Variants in ITPR2 observed in about 807,000 individuals in gnomAD.
ITPR2 encodes the protein inositol 1,4,5-trisphosphate-gated calcium channel ITPR2.
In ITPR2, 207 loss-of-function variants were observed where a neutral mutation model predicts 317.1. The ratio of observed to expected loss-of-function variants is 0.65; its 90% CI spans 0.58 to 0.73. The LOEUF (loss-of-function observed/expected upper bound fraction) is 0.73. Ranked by LOEUF, ITPR2 falls within the 30% of genes least tolerant of loss-of-function variation. The pLI, the probability that ITPR2 is intolerant of heterozygous loss-of-function variation, is 0.00. For missense variants in ITPR2, 2,613 were observed against 3,284.0 expected (o/e 0.80, Z 4.99); for synonymous variants, 1,156 against 1,149.1 (o/e 1.01, Z -0.12).
rs1044916651 is a variant in ITPR2 at position 26,406,366 on chromosome 12, T to G, written c.7399+4954A>C. ...GTAAATTGTTGCAAAAAGGCCTTGCTTTTTTTAAGGTGAATATTTTTGTTC... is the reference window on the plus strand; with the variant it reads ...GTAAATTGTTGCAAAAAGGCCTTGCGTTTTTTAAGGTGAATATTTTTGTTC... On this transcript the variant is annotated intron_variant, in intron 52 of 56. Coordinates refer to ENST00000381340, the MANE Select transcript of ITPR2 (RefSeq NM_002223.4). 5.9e-5 allele frequency: 9 copies of G among 152,090 alleles called. No homozygotes were observed. In the South Asian group the frequency reaches 1.2e-3, roughly 21 times the overall value. 9.4% of individuals were successfully genotyped at this position (152,090 alleles called of 1,614,324 possible).
chr12:26,586,963 C>G (rs1184607674), intron 32 of ITPR2, among the ~76,000 whole-genome samples: 1 of 151,782 alleles, frequency 6.6e-6, no homozygotes, highest in Admixed American at 6.6e-5. Context: ...AAAAGTTCAC[C>G]AATCCCTGGA....
chr12:26,821,389 A>G (rs1457108329), intron 1 of ITPR2, among the ~76,000 whole-genome samples: 1 of 152,200 alleles, frequency 6.6e-6, no homozygotes, highest in Non-Finnish European at 1.5e-5. Flanking sequence ...CCATCACCTC[A>G]TAATCTGAAG....
At chr12:26,400,017 GCAAATGGTA>G (rs1940121537) in intron 53 of ITPR2, 102 bp downstream of exon 53, 3 of 1,139,862 alleles carry the variant, frequency 2.6e-6, no homozygotes, top group Non-Finnish European at 3.6e-6. Flanking sequence ...TACTTTTAAA[GCAAATGGTA>G]CAATATATTT....
intron 55 of ITPR2, among the ~76,000 whole-genome samples, chr12:26,342,465 G>A (rs1366332680): frequency 1.4e-5 from 2 of 140,932 alleles, no homozygotes; most frequent in Non-Finnish European, 3.1e-5. Flanking sequence ...TTTTGGAAGT[G>A]GACCGAATGG....
chr12:26,444,903 A>G (rs1221745242), intron 45 of ITPR2, among the ~76,000 whole-genome samples: 2 of 152,180 alleles, frequency 1.3e-5, no homozygotes, highest in African/African-American at 4.8e-5. Flanking sequence ...CAATCACTCA[A>G]GAAAACTATT....
At chr12:26,355,109 T>C (rs1377057563) in intron 55 of ITPR2, among the ~76,000 whole-genome samples, 1 of 152,188 alleles carries the variant, frequency 6.6e-6, no homozygotes, top group East Asian at 1.9e-4. Context: ...GACCTCTAGG[T>C]GGTTGTGATG....
chr12:26,805,539 T>A (rs1950625748), intron 1 of ITPR2, among the ~76,000 whole-genome samples: 1 of 152,096 alleles, frequency 6.6e-6, no homozygotes, highest in Non-Finnish European at 1.5e-5. Context: ...CAAAGAAATG[T>A]ATTCATTCCA....
chr12:26,829,646 C>G (rs1181184061), intron 1 of ITPR2, among the ~76,000 whole-genome samples: 1 of 152,206 alleles, frequency 6.6e-6, no homozygotes, highest in Non-Finnish European at 1.5e-5. Context: ...GCTCACCATG[C>G]TTCCCTTGAG....
intron 32 of ITPR2, among the ~76,000 whole-genome samples, chr12:26,583,214 G>A (rs957446416): frequency 1.8e-4 from 28 of 152,124 alleles, no homozygotes; most frequent in African/African-American, 6.7e-4. Flanking sequence ...ATACCTAAAA[G>A]TTATTTTTCA....
At chr12:26,644,510 T>C (rs1263035658) in intron 21 of ITPR2, among the ~76,000 whole-genome samples, 1 of 152,194 alleles carries the variant, frequency 6.6e-6, no homozygotes, top group Non-Finnish European at 1.5e-5. Context: ...AGAGGTTTAA[T>C]TGACTCACAA....
chr12:26,457,100 G>A (rs984700883), intron 45 of ITPR2, among the ~76,000 whole-genome samples: 1 of 152,176 alleles, frequency 6.6e-6, no homozygotes, highest in African/African-American at 2.4e-5. Context: ...TTCTGTTGGT[G>A]GAGGAGACAT....
intron 15 of ITPR2, among the ~76,000 whole-genome samples, chr12:26,662,898 T>C (rs959862533): frequency 6.6e-5 from 10 of 152,268 alleles, no homozygotes; most frequent in African/African-American, 2.4e-4. Flanking sequence ...CTAGAACTCC[T>C]GGCCTTGAGT....
intron 14 of ITPR2, 40 bp from the exon 15 acceptor site, chr12:26,663,886 A>G: frequency 6.6e-7 from 1 of 1,517,456 alleles, no homozygotes; most frequent in Non-Finnish European, 8.9e-7. Flanking sequence ...TGATGAATAA[A>G]ATGTTTTGCA....
intron 45 of ITPR2, among the ~76,000 whole-genome samples, chr12:26,463,690 C>T (rs890021243): frequency 1.9e-4 from 17 of 91,200 alleles, no homozygotes; most frequent in African/African-American, 5.1e-4. Flanking sequence ...AAAAAACAAA[C>T]AAACAAACAA....
chr12:26,507,662 A>G (rs1943222643), intron 37 of ITPR2, among the ~76,000 whole-genome samples: 1 of 152,222 alleles, frequency 6.6e-6, no homozygotes, highest in South Asian at 2.1e-4. Flanking sequence ...TGGAAAAAAC[A>G]AGATGAAACA....
At chr12:26,588,897 T>C (rs1249760790) in intron 32 of ITPR2, among the ~76,000 whole-genome samples, 3 of 152,218 alleles carry the variant, frequency 2.0e-5, no homozygotes. Context: ...TATAGGATCC[T>C]GACATTGATA....
intron 22 of ITPR2, among the ~76,000 whole-genome samples, chr12:26,628,565 T>C (rs1272263942): frequency 1.3e-5 from 2 of 152,180 alleles, no homozygotes; most frequent in East Asian, 3.9e-4. Flanking sequence ...TCAGCTACAA[T>C]AGTATGACTG....
At position 26,695,612 on chromosome 12, in the gene ITPR2, T is replaced by C; in HGVS notation, c.990A>G (p.Lys330=). 8 of 1,612,794 alleles carry C rather than the reference T, an allele frequency of 5.0e-6. No individual in the cohort carries two copies. Among genetic ancestry groups the C allele is most frequent in the Non-Finnish European group, 6.8e-6 (8 of 1,178,990 alleles). ...PDYRDAQNEG[K]NVRDGVPPTS... ...AAAAGCCAGTTCTACTCACCACATTTTTTCCTTCATTTTGGGCATCTCGAT... is the reference window on the plus strand; with the variant it reads ...AAAAGCCAGTTCTACTCACCACATTCTTTCCTTCATTTTGGGCATCTCGAT... Residue 330 remains lysine, a synonymous_variant, in exon 10 of 57, where the codon AAA becomes AAG. Transcript: ENST00000381340.
chr12:26,430,695 G>T (rs1941182708), intron 48 of ITPR2, among the ~76,000 whole-genome samples: 1 of 152,124 alleles, frequency 6.6e-6, no homozygotes. Flanking sequence ...AATACAAAAA[G>T]TTTTATAATT....
Sources: gnomAD v4.1 joint callset for allele counts (sites outside exome capture counted in the v4.1 genomes callset) on GRCh38, gnomAD v4.1.1 for gene constraint, MANE v1.5 for transcripts, NCBI Gene and HGNC (gene_info 2026-07-23, HGNC 2026-07-21) for gene names.